The following CCDC85A variants were observed in gnomAD, a reference collection of about 807,000 sequenced individuals.
CCDC85A encodes the protein coiled-coil domain containing 85A.
CCDC85A carries 38 observed loss-of-function variants against 50.2 expected under a neutral mutation model. The ratio of observed to expected loss-of-function variants is 0.76; its 90% CI spans 0.58 to 0.99. The LOEUF (loss-of-function observed/expected upper bound fraction) is 0.99, where lower values mean the gene tolerates loss of function less well. Among genes scored for constraint, CCDC85A ranks in the 50% least tolerant of loss-of-function variants. The pLI, the probability that CCDC85A is intolerant of heterozygous loss-of-function variation, is 0.00. For missense variants in CCDC85A, 820 were observed against 742.0 expected, an observed-to-expected ratio of 1.11 and a Z score of -1.22; for synonymous variants, 366 against 301.4, an observed-to-expected ratio of 1.21 and a Z score of -2.22.
chr2:56,269,300 A>G (rs1256948990), intron 2 of CCDC85A, among the ~76,000 whole-genome samples: 1 of 150,882 alleles, frequency 6.6e-6, no homozygotes, highest in Non-Finnish European at 1.5e-5. Flanking sequence ...TGGCTCCCAA[A>G]ATGCCCATGC....
rs756932617 is a variant in CCDC85A at position 56,222,833 on chromosome 2, TCCAAAG to T, written c.1240+29394_1240+29399del. ...TGACAGTAGGAGGTTCAGTAATTAT[TCCAAAG>T]ATGCTATCTCTACTCAAAATCATTT... On this transcript the variant is annotated intron_variant, in intron 2 of 5. Transcript: ENST00000407595. 4.2e-3 allele frequency among the ~76,000 whole-genome samples: 647 copies of T among 152,258 alleles called. 20 individuals are homozygous for T. Among genetic ancestry groups the T allele is most frequent in the Non-Finnish European group, 5.0e-3 (341 of 68,008 alleles).
chr2:56,381,712 G>T (rs1189206522), intron 5 of CCDC85A, among the ~76,000 whole-genome samples: 1 of 152,032 alleles, frequency 6.6e-6, no homozygotes, highest in East Asian at 1.9e-4. Flanking sequence ...CTTAATGCCA[G>T]AATTTCTGTA....
At chr2:56,216,864 C>T (rs79892693) in intron 2 of CCDC85A, among the ~76,000 whole-genome samples, 218 of 150,396 alleles carry the variant, frequency 1.4e-3, no homozygotes, top group African/African-American at 5.0e-3. Flanking sequence ...TTGCTATGTT[C>T]TTCATCTTTT....
intron 2 of CCDC85A, among the ~76,000 whole-genome samples, chr2:56,199,710 A>G (rs1211843883): frequency 2.0e-5 from 3 of 152,106 alleles, no homozygotes; most frequent in South Asian, 2.1e-4. Context: ...GCTGTTCCCA[A>G]TGGCTGGTCA....
chr2:56,187,900 T>C lies in CCDC85A; in HGVS notation c.276+3000T>C, dbSNP rs1676122980. ...CAGTTGGGGGCTGATTCGGGATGAA[T>C]CTCTGTAGATTTGTTTTCTTCATTG... On this transcript the variant is annotated intron_variant, in intron 1 of 5. Coordinates refer to ENST00000407595, the MANE Select transcript of CCDC85A (RefSeq NM_001080433.2). 3.3e-5 allele frequency among the ~76,000 whole-genome samples: 5 copies of C among 152,354 alleles called. No individual in the cohort carries two copies. The South Asian group carries it at 1.0e-3, about 32-fold the overall frequency.
chr2:56,328,314 T>A (rs185723176), intron 2 of CCDC85A, among the ~76,000 whole-genome samples: 81 of 152,180 alleles, frequency 5.3e-4, no homozygotes, highest in Non-Finnish European at 3.1e-4. Context: ...ATAGGAGATT[T>A]GTGTCTTTGT....
At chr2:56,342,407 A>G (rs1216968805) in intron 2 of CCDC85A, among the ~76,000 whole-genome samples, 2 of 152,160 alleles carry the variant, frequency 1.3e-5, no homozygotes, top group East Asian at 1.9e-4. Context: ...AGAGTAGTGG[A>G]GAGACTGGAT....
intron 3 of CCDC85A, among the ~76,000 whole-genome samples, chr2:56,345,244 A>T (rs992562616): frequency 1.3e-5 from 2 of 152,148 alleles, no homozygotes; most frequent in Non-Finnish European, 2.9e-5. Flanking sequence ...ATCATGTTTT[A>T]TTGATGCTAA....
At position 56,381,197 on chromosome 2, in the gene CCDC85A, A is replaced by G. The variant is rs113133041; in HGVS notation, c.1573-3069A>G. ...GTTGTCTGTTTTCAAAAGGACATCT[A>G]GTTCTAGATGTCATCTTTCCTAAAT... On this transcript the variant is annotated intron_variant, in intron 5 of 5. Transcript: ENST00000407595. Among the ~76,000 whole-genome samples, 378 of 152,146 alleles carry G rather than the reference A, an allele frequency of 2.5e-3. 1 individual carries two copies. The highest frequency in any genetic ancestry group is 8.3e-3 in the African/African-American group (344 of 41,532).
At chr2:56,216,474 CCTGA>C (rs975451328) in intron 2 of CCDC85A, among the ~76,000 whole-genome samples, 25 of 151,802 alleles carry the variant, frequency 1.6e-4, no homozygotes, top group African/African-American at 5.8e-4. Context: ...TTTGTTCCTT[CCTGA>C]CTGCCAATGA....
chr2:56,280,231 C>G (rs889145665), intron 2 of CCDC85A, among the ~76,000 whole-genome samples: 1 of 152,214 alleles, frequency 6.6e-6, no homozygotes, highest in Non-Finnish European at 1.5e-5. Flanking sequence ...TGTGGGCCAG[C>G]TGGGCAAAGG....
intron 3 of CCDC85A, among the ~76,000 whole-genome samples, chr2:56,357,583 G>A (rs1295044095): frequency 6.7e-6 from 1 of 149,246 alleles, no homozygotes; most frequent in South Asian, 2.1e-4. Context: ...TTTTCAGTGT[G>A]TGTTCAGTAT....
chr2:56,211,665 A>G (rs1573031066), intron 2 of CCDC85A, among the ~76,000 whole-genome samples: 1 of 152,118 alleles, frequency 6.6e-6, no homozygotes, highest in African/African-American at 2.4e-5. Context: ...GGAATACTGC[A>G]TGCTATCCCA....
intron 2 of CCDC85A, among the ~76,000 whole-genome samples, chr2:56,198,203 T>C (rs1294979121): frequency 6.6e-6 from 1 of 152,270 alleles, no homozygotes; most frequent in African/African-American, 2.4e-5. Context: ...GTGAATTAAG[T>C]AGTGTGCACT....
At chr2:56,266,519 G>A (rs1670447197) in intron 2 of CCDC85A, among the ~76,000 whole-genome samples, 1 of 144,284 alleles carries the variant, frequency 6.9e-6, no homozygotes, top group Non-Finnish European at 1.5e-5. Context: ...ATGTATAGAT[G>A]TATCAAAACA....
intron 3 of CCDC85A, among the ~76,000 whole-genome samples, chr2:56,352,298 T>C (rs1188690218): frequency 6.6e-6 from 1 of 152,198 alleles, no homozygotes; most frequent in African/African-American, 2.4e-5. Context: ...AAGATCTATA[T>C]TCTTTGACAA....
chr2:56,277,732 G>A (rs542048049), intron 2 of CCDC85A, among the ~76,000 whole-genome samples: 13 of 152,318 alleles, frequency 8.5e-5, no homozygotes, highest in South Asian at 6.2e-4. Flanking sequence ...TGAGTAAGAC[G>A]AGACTGTAGC....
At chr2:56,285,449 T>C (rs528942075) in intron 2 of CCDC85A, among the ~76,000 whole-genome samples, 19 of 142,042 alleles carry the variant, frequency 1.3e-4, no homozygotes, top group Admixed American at 2.8e-4. Flanking sequence ...ATATTAATAA[T>C]ATAATTAATT....
chr2:56,372,029 CT>C (rs1447774695), intron 3 of CCDC85A, among the ~76,000 whole-genome samples: 5 of 152,204 alleles, frequency 3.3e-5, no homozygotes, highest in Non-Finnish European at 7.4e-5. Flanking sequence ...TTATTTTATG[CT>C]GGTAAAACCC....
Sources: gnomAD v4.1 joint callset for allele counts (sites outside exome capture counted in the v4.1 genomes callset) on GRCh38, gnomAD v4.1.1 for gene constraint, MANE v1.5 for transcripts, NCBI Gene and HGNC (gene_info 2026-07-23, HGNC 2026-07-21) for gene names.